SCD5: variants seen among roughly 807,000 people sequenced by gnomAD.
The protein encoded by SCD5 is stearoyl-CoA desaturase 5, also known as acyl-CoA-desaturase 4.
In SCD5, 20 loss-of-function variants were observed where a neutral mutation model predicts 30.4. That is an observed-to-expected ratio of 0.66 (90% CI 0.46 to 0.96). The LOEUF (loss-of-function observed/expected upper bound fraction) is 0.96. SCD5 is among the 40% of genes least tolerant of loss of function. The pLI is 0.00. For missense variants in SCD5, 381 were observed against 443.3 expected (o/e 0.86, Z 1.26); for synonymous variants, 173 against 176.4 (o/e 0.98, Z 0.16).
At chr4:82,783,390 GAAA>G in intron 1 of SCD5, among the ~76,000 whole-genome samples, 1 of 152,024 alleles carries the variant, frequency 6.6e-6, no homozygotes, top group East Asian at 1.9e-4. Context: ...TCCAAAGGGG[GAAA>G]AAAATAGCTA....
chr4:82,721,341 T>C (rs952783176), intron 1 of SCD5, among the ~76,000 whole-genome samples: 2 of 152,164 alleles, frequency 1.3e-5, no homozygotes, highest in Admixed American at 1.3e-4. Context: ...CAGTACTAGA[T>C]ATGCCAGCAC....
intron 1 of SCD5, among the ~76,000 whole-genome samples, chr4:82,746,763 G>A (rs1720991246): frequency 6.6e-6 from 1 of 151,982 alleles, no homozygotes; most frequent in Non-Finnish European, 1.5e-5. Flanking sequence ...AGCAAGGGAG[G>A]TGCTGAGTAG....
At chr4:82,650,896 C>A (rs1386598128) in intron 3 of SCD5, among the ~76,000 whole-genome samples, 1 of 151,502 alleles carries the variant, frequency 6.6e-6, no homozygotes, top group East Asian at 1.9e-4. Context: ...TTAAATATAT[C>A]AATTCATTAA....
chr4:82,762,944 G>C (rs1050485596), intron 1 of SCD5, among the ~76,000 whole-genome samples: 6 of 152,228 alleles, frequency 3.9e-5, no homozygotes, highest in Middle Eastern at 3.4e-3. Flanking sequence ...TCTCCTGAGC[G>C]GTGGAGCACA....
chr4:82,783,595 G>A (rs926095530), intron 1 of SCD5, among the ~76,000 whole-genome samples: 2 of 152,010 alleles, frequency 1.3e-5, no homozygotes, highest in Non-Finnish European at 2.9e-5. Context: ...ACCTGAGGTC[G>A]GAGGTCGAGA....
chr4:82,793,729 A>G (rs1485955231), intron 1 of SCD5, among the ~76,000 whole-genome samples: 1 of 152,236 alleles, frequency 6.6e-6, no homozygotes, highest in Non-Finnish European at 1.5e-5. Flanking sequence ...CTTTAGGAAC[A>G]AACAGTATTA....
Position 82,694,093 on chromosome 4 carries a change from G to A in SCD5, c.363+11190C>T, listed in dbSNP as rs200565807. ...CCAGAGCATGGGCAGCAGCCTAGCC[G>A]CAGGCGCCTCTGCCACCGTCCTCTG... On this transcript the variant is annotated intron_variant, in intron 2 of 4. Coordinates refer to ENST00000319540, the MANE Select transcript of SCD5 (RefSeq NM_001037582.3). Among the ~76,000 whole-genome samples, 593 of 152,314 alleles carry A rather than the reference G, an allele frequency of 3.9e-3. 3 individuals carry two copies. The highest frequency in any genetic ancestry group is 6.5e-3 in the Non-Finnish European group (441 of 68,026).
intron 3 of SCD5, among the ~76,000 whole-genome samples, chr4:82,663,268 TAAG>T (rs951131599): frequency 2.0e-5 from 3 of 152,210 alleles, no homozygotes; most frequent in Admixed American, 6.5e-5. Context: ...CACAAGTAGA[TAAG>T]AAGAAGTCAG....
At chr4:82,685,678 C>CTCCA (rs1224248413) in intron 2 of SCD5, among the ~76,000 whole-genome samples, 22 of 151,194 alleles carry the variant, frequency 1.5e-4, no homozygotes, top group African/African-American at 5.3e-4. Context: ...CACCACTGCA[C>CTCCA]TCCAGCCTGG....
chr4:82,718,284 A>G (rs1284414310), intron 1 of SCD5, among the ~76,000 whole-genome samples: 5 of 151,802 alleles, frequency 3.3e-5, no homozygotes, highest in African/African-American at 1.2e-4. Context: ...GGCCCTAGGC[A>G]TCACTGTTGC....
At chr4:82,708,488 A>G (rs1396413826) in intron 1 of SCD5, among the ~76,000 whole-genome samples, 1 of 152,052 alleles carries the variant, frequency 6.6e-6, no homozygotes. Flanking sequence ...CCTCTGTTTG[A>G]CCCTACACCT....
intron 2 of SCD5, among the ~76,000 whole-genome samples, chr4:82,693,068 TG>T (rs1719597487): frequency 6.6e-6 from 1 of 152,128 alleles, no homozygotes; most frequent in Admixed American, 6.5e-5. Context: ...CCTGGTTGGA[TG>T]GGGGTGGCCT....
chr4:82,711,236 C>T (rs1274220598), intron 1 of SCD5, among the ~76,000 whole-genome samples: 1 of 152,074 alleles, frequency 6.6e-6, no homozygotes, highest in African/African-American at 2.4e-5. Context: ...TCACTATAAA[C>T]TTGTGGTTCT....
In SCD5 at chr4:82,712,243, C is replaced by CATAT. The variant is rs762732703; in HGVS notation, c.233-6834_233-6831dup. 4.5e-3 allele frequency among the ~76,000 whole-genome samples: 130 copies of CATAT among 28,770 alleles called. 2 individuals are homozygous for CATAT. Among genetic ancestry groups the CATAT allele is most frequent in the Non-Finnish European group, 8.5e-3 (94 of 11,062 alleles). The allele number at this position is 28,770 out of a possible 152,430, so 18.9% of individuals were successfully genotyped here. On this transcript the variant is annotated intron_variant, in intron 1 of 4. Coordinates refer to ENST00000319540, the MANE Select transcript of SCD5 (RefSeq NM_001037582.3). ...ATAGGTCTGGGGAGGGACCAACTAA[C>CATAT]ATATATATATATATATATATATATA... is the stretch of plus-strand genomic sequence containing the variant.
intron 3 of SCD5, among the ~76,000 whole-genome samples, chr4:82,639,965 G>A (rs79656850): frequency 0.038 from 5,738 of 152,256 alleles, 145 homozygotes; most frequent in South Asian, 0.091. Flanking sequence ...TGGGCCCTGG[G>A]CACTTCTCTC....
intron 3 of SCD5, among the ~76,000 whole-genome samples, chr4:82,644,341 A>C (rs1035847330): frequency 3.9e-5 from 6 of 152,136 alleles, no homozygotes; most frequent in Non-Finnish European, 8.8e-5. Context: ...TATTGATCCC[A>C]AGGACCTGCT....
At chr4:82,638,449 C>A (rs1355872261) in intron 3 of SCD5, among the ~76,000 whole-genome samples, 1 of 152,166 alleles carries the variant, frequency 6.6e-6, no homozygotes, top group African/African-American at 2.4e-5. Flanking sequence ...GCTGGGGCAA[C>A]TGAACTTGGA....
chr4:82,788,509 G>C (rs1329307570), intron 1 of SCD5, among the ~76,000 whole-genome samples: 1 of 152,136 alleles, frequency 6.6e-6, no homozygotes, highest in Admixed American at 6.5e-5. Flanking sequence ...TCGTGCTTTA[G>C]CCTCCCGAGT....
chr4:82,653,804 G>C (rs10019368), intron 3 of SCD5, among the ~76,000 whole-genome samples: 26,208 of 151,864 alleles, frequency 0.17, 3,722 homozygotes, highest in African/African-American at 0.39. Context: ...TTGATAGTTA[G>C]GACATCTGAG....
Sources: allele counts gnomAD v4.1 joint callset (sites outside exome capture counted in the v4.1 genomes callset), GRCh38; gene constraint gnomAD v4.1.1; transcripts MANE v1.5; gene names NCBI Gene and HGNC (gene_info 2026-07-23, HGNC 2026-07-21).